PSMB7: variants seen among roughly 807,000 people sequenced by gnomAD.
The protein encoded by PSMB7 is proteasome subunit beta type-7.
Under a neutral mutation model 28.1 loss-of-function variants are expected in PSMB7, and 5 were observed. That is an observed-to-expected ratio of 0.18 (90% CI 0.09 to 0.37). PSMB7 has a LOEUF of 0.37. Among genes scored for constraint, PSMB7 ranks in the 10% least tolerant of loss-of-function variants. The probability of loss-of-function intolerance (pLI) is 1.00; values close to 1 mark genes in which losing one functional copy is unlikely to be tolerated. For synonymous variants in PSMB7, 122 were observed against 123.7 expected (o/e 0.99, Z 0.09); for missense variants, 275 against 346.2 (o/e 0.79, Z 1.63).
intron 6 of PSMB7, among the ~76,000 whole-genome samples, chr9:124,366,556 T>C (rs1358938422): frequency 6.6e-6 from 1 of 152,202 alleles, no homozygotes; most frequent in African/African-American, 2.4e-5. Flanking sequence ...TTACCGAAAT[T>C]TTTCTGTGTG....
At chr9:124,367,593 G>T (rs1830520187) in intron 6 of PSMB7, among the ~76,000 whole-genome samples, 1 of 152,126 alleles carries the variant, frequency 6.6e-6, no homozygotes, top group Non-Finnish European at 1.5e-5. Flanking sequence ...GGGAGGCAAT[G>T]CTTGACAGAG....
intron 6 of PSMB7, among the ~76,000 whole-genome samples, chr9:124,371,237 G>A (rs1162802021): frequency 6.6e-6 from 1 of 152,156 alleles, no homozygotes; most frequent in Non-Finnish European, 1.5e-5. Flanking sequence ...AACAATTTAT[G>A]CCAAATTACC....
chr9:124,391,637 G>T (rs929614682), intron 5 of PSMB7, among the ~76,000 whole-genome samples: 1 of 83,404 alleles, frequency 1.2e-5, no homozygotes. Context: ...TTTTAAAATA[G>T]TCTCATTCAA....
At chr9:124,394,650 T>A (rs1362308473) in intron 5 of PSMB7, among the ~76,000 whole-genome samples, 1 of 152,222 alleles carries the variant, frequency 6.6e-6, no homozygotes, top group Non-Finnish European at 1.5e-5. Flanking sequence ...AGGTGTTTAA[T>A]ATTTTTTTAC....
intron 1 of PSMB7, 29 bp from the exon 2 acceptor site, chr9:124,414,964 G>A (rs764982027): frequency 6.7e-7 from 1 of 1,492,292 alleles, no homozygotes; most frequent in African/African-American, 1.4e-5. Context: ...ATCAAGTGTT[G>A]AAGGGCAGGA....
chr9:124,365,945 G>C (rs541508264), intron 6 of PSMB7, among the ~76,000 whole-genome samples: 2 of 152,172 alleles, frequency 1.3e-5, no homozygotes, highest in African/African-American at 4.8e-5. Context: ...GAGAAAGAGA[G>C]AGAGATTACT....
chr9:124,413,007 G>C (rs774202486), intron 3 of PSMB7, among the ~76,000 whole-genome samples: 1 of 151,714 alleles, frequency 6.6e-6, no homozygotes. Flanking sequence ...GAAGGTAATT[G>C]ATTCTGATCA....
intron 2 of PSMB7, among the ~76,000 whole-genome samples, chr9:124,414,509 G>A (rs190820584): frequency 6.6e-6 from 1 of 151,944 alleles, no homozygotes; most frequent in East Asian, 1.9e-4. Context: ...CAGCACTATA[G>A]AGTTCAAAGG....
intron 6 of PSMB7, among the ~76,000 whole-genome samples, chr9:124,372,253 G>A (rs1830570871): frequency 6.6e-6 from 1 of 152,156 alleles, no homozygotes; most frequent in African/African-American, 2.4e-5. Flanking sequence ...GTAATCACTT[G>A]GAACCTGATG....
chr9:124,413,545 G>A (rs1025264090), intron 3 of PSMB7, among the ~76,000 whole-genome samples: 1 of 152,016 alleles, frequency 6.6e-6, no homozygotes, highest in African/African-American at 2.4e-5. Context: ...CCTAAGAGAG[G>A]CCAATTAAAT....
chr9:124,389,067 G>T (rs1056784763), intron 5 of PSMB7, among the ~76,000 whole-genome samples: 11 of 152,226 alleles, frequency 7.2e-5, no homozygotes, highest in African/African-American at 2.7e-4. Flanking sequence ...AAGGTGTGAG[G>T]ATAGCAGTAA....
intron 6 of PSMB7, among the ~76,000 whole-genome samples, chr9:124,380,915 A>C (rs972545155): frequency 3.3e-5 from 5 of 152,276 alleles, no homozygotes; most frequent in African/African-American, 1.2e-4. Flanking sequence ...GGCCCTGCCC[A>C]ATAGATGTTC....
intron 4 of PSMB7, among the ~76,000 whole-genome samples, chr9:124,408,032 G>T (rs534178302): frequency 6.6e-6 from 1 of 152,118 alleles, no homozygotes; most frequent in Non-Finnish European, 1.5e-5. Flanking sequence ...ACATGGTGGC[G>T]TGGGCCTTTA....
At chr9:124,358,705 C>T (rs1218276165) in intron 6 of PSMB7, among the ~76,000 whole-genome samples, 1 of 152,204 alleles carries the variant, frequency 6.6e-6, no homozygotes, top group African/African-American at 2.4e-5. Context: ...TGGGCACGTG[C>T]GGGGAGAACC....
chr9:124,396,776 T>TGC, intron 5 of PSMB7: 1 of 471,208 alleles, frequency 2.1e-6, no homozygotes, highest in Non-Finnish European at 4.4e-6. Context: ...CAAGGAACAC[T>TGC]GCCAAGCTAA....
chr9:124,413,808 CA>C (rs1732408852), intron 3 of PSMB7, 99 bp downstream of exon 3: 1 of 750,968 alleles, frequency 1.3e-6, no homozygotes, highest in African/African-American at 1.8e-5. Context: ...ACAGAAAATA[CA>C]GGTTGAAAAA....
At chr9:124,410,428 T>C (rs190494697) in intron 4 of PSMB7, among the ~76,000 whole-genome samples, 19 of 152,336 alleles carry the variant, frequency 1.2e-4, no homozygotes, top group African/African-American at 4.6e-4. Flanking sequence ...AGCTTAAAAA[T>C]TGCCTTTATT....
intron 5 of PSMB7, among the ~76,000 whole-genome samples, chr9:124,395,455 T>C (rs1331730002): frequency 6.6e-6 from 1 of 152,068 alleles, no homozygotes; most frequent in African/African-American, 2.4e-5. Context: ...ATCACACCAC[T>C]GCATTTCAGC....
In PSMB7 at chr9:124,412,442, A is replaced by G. The variant is rs199726746; in HGVS notation, c.305T>C (p.Ile102Thr). Residue 102 changes from isoleucine to threonine, a missense_variant, in exon 4 of 8, where the codon ATT (isoleucine) becomes ACT (threonine). By Grantham distance (89) the Ile-to-Thr change is moderately conservative. Around this residue, in one of 2 missense-constraint regions of PSMB7, gnomAD observed 213 missense variants for 302.4 expected, o/e 0.70. Transcript: ENST00000259457. ...GGAGTGGAGCTCCAGGTTGGAAGAA[A>G]TGAGCTGGGTTGTCATGTCTGTGTC... Reference protein sequence around the residue: ...AADTDMTTQLISSNLELHSLS... With the variant: ...AADTDMTTQLTSSNLELHSLS... 84 of 1,614,080 alleles carry G rather than the reference A, an allele frequency of 5.2e-5. No individual in the cohort carries two copies. Among genetic ancestry groups the G allele is most frequent in the Middle Eastern group, 3.3e-4 (2 of 6,078 alleles).
Sources: gnomAD v4.1 joint callset for allele counts (sites outside exome capture counted in the v4.1 genomes callset) on GRCh38, gnomAD v4.1.1 for gene constraint, gnomAD v4.1.1 regional missense constraint, MANE v1.5 for transcripts, NCBI Gene and HGNC (gene_info 2026-07-23, HGNC 2026-07-21) for gene names.